Variants in GALNT14 observed in about 807,000 individuals in gnomAD.
The protein encoded by GALNT14 is polypeptide N-acetylgalactosaminyltransferase 14.
In GALNT14, 60 loss-of-function variants were observed where a neutral mutation model predicts 77.5. The observed-to-expected ratio is 0.77, with a 90% CI of 0.63 to 0.96. GALNT14 has a LOEUF of 0.96. GALNT14 is among the 40% of genes least tolerant of loss of function. The pLI, the probability that GALNT14 is intolerant of heterozygous loss-of-function variation, is 0.00. For synonymous variants in GALNT14, 280 were observed against 281.7 expected, an observed-to-expected ratio of 0.99 and a Z score of 0.06; for missense variants, 710 against 731.0, an observed-to-expected ratio of 0.97 and a Z score of 0.33.
At chr2:30,896,091 G>T in the GALNT14 span, among the ~76,000 whole-genome samples, 4 of 152,108 alleles carry the variant, frequency 2.6e-5, no homozygotes, top group African/African-American at 9.7e-5. Context: ...AATACTGCTC[G>T]CAGTAAATAA....
intron 1 of GALNT14, among the ~76,000 whole-genome samples, chr2:31,092,949 A>T (rs1184709940): frequency 6.6e-6 from 1 of 152,212 alleles, no homozygotes; most frequent in African/African-American, 2.4e-5. Flanking sequence ...TAACTACACC[A>T]TGAAAATCCA....
At chr2:31,091,756 C>T (rs1676754415) in intron 1 of GALNT14, among the ~76,000 whole-genome samples, 1 of 152,106 alleles carries the variant, frequency 6.6e-6, no homozygotes, top group Non-Finnish European at 1.5e-5. Context: ...TAAGGGAGCC[C>T]TCTGGGGTCT....
At chr2:30,971,169 C>G (rs1482105798) in intron 2 of GALNT14, among the ~76,000 whole-genome samples, 5 of 152,052 alleles carry the variant, frequency 3.3e-5, no homozygotes, top group African/African-American at 1.2e-4. Context: ...GGAGAGTCGG[C>G]CCAGACAGTA....
intron 2 of GALNT14, among the ~76,000 whole-genome samples, chr2:30,966,782 C>T (rs781511209): frequency 1.3e-5 from 2 of 152,152 alleles, no homozygotes; most frequent in African/African-American, 4.8e-5. Context: ...ACGCCCAGCC[C>T]CTGCAACACA....
intron 1 of GALNT14, among the ~76,000 whole-genome samples, chr2:31,102,089 T>C (rs1677308467): frequency 6.6e-6 from 1 of 152,138 alleles, no homozygotes; most frequent in Non-Finnish European, 1.5e-5. Flanking sequence ...AGTATGTCTT[T>C]ACTAGCAGCA....
intron 1 of GALNT14, among the ~76,000 whole-genome samples, chr2:30,997,201 G>A (rs1054094673): frequency 2.0e-5 from 3 of 152,148 alleles, no homozygotes; most frequent in African/African-American, 7.2e-5. Flanking sequence ...ACTGAGGGTC[G>A]GTAGGCAGAG....
intron 1 of GALNT14, among the ~76,000 whole-genome samples, chr2:31,114,275 G>GA (rs755840695): frequency 2.6e-3 from 359 of 138,590 alleles, no homozygotes; most frequent in Admixed American, 4.4e-3. Context: ...CAACAAGTGG[G>GA]AAAAAAAAAA....
At chr2:30,976,741 T>C (rs910370574) in intron 2 of GALNT14, among the ~76,000 whole-genome samples, 3 of 152,192 alleles carry the variant, frequency 2.0e-5, no homozygotes, top group Non-Finnish European at 2.9e-5. Context: ...CTAAAAAAGA[T>C]ACCTTGGTGT....
intron 1 of GALNT14, among the ~76,000 whole-genome samples, chr2:31,026,121 G>C (rs561899296): frequency 6.6e-6 from 1 of 152,132 alleles, no homozygotes; most frequent in Non-Finnish European, 1.5e-5. Context: ...CAGACATGCC[G>C]AGTCCACCAG....
At chr2:31,037,810 T>C (rs1672833587) in intron 1 of GALNT14, among the ~76,000 whole-genome samples, 1 of 151,886 alleles carries the variant, frequency 6.6e-6, no homozygotes, top group South Asian at 2.1e-4. Context: ...AGGCTCTGTG[T>C]GTGTGTTGGA....
At chr2:31,106,728 T>A (rs1043920011) in intron 1 of GALNT14, among the ~76,000 whole-genome samples, 1 of 152,224 alleles carries the variant, frequency 6.6e-6, no homozygotes, top group African/African-American at 2.4e-5. Context: ...CCTGGGAATG[T>A]TCCTTATTTG....
intron 1 of GALNT14, among the ~76,000 whole-genome samples, chr2:31,044,143 G>C (rs1213150398): frequency 6.6e-6 from 1 of 152,148 alleles, no homozygotes; most frequent in African/African-American, 2.4e-5. Flanking sequence ...CCATTAGTAA[G>C]CCTTTTAAAG....
rs141858272 is a variant in GALNT14 at position 31,124,393 on chromosome 2, T to C, written c.129+13565A>G. On this transcript the variant is annotated intron_variant, in intron 1 of 14. Transcript: ENST00000349752. ...AGAAGAGAATCTTTACAGGGATACATGGGGATAAACGTTTGACAATTGCAT... is the reference window on the plus strand; with the variant it reads ...AGAAGAGAATCTTTACAGGGATACACGGGGATAAACGTTTGACAATTGCAT... Among the ~76,000 whole-genome samples, 224 of 152,292 alleles carry C rather than the reference T, an allele frequency of 1.5e-3. 1 individual carries two copies. The highest frequency in any genetic ancestry group is 5.2e-3 in the African/African-American group (216 of 41,576).
At chr2:30,894,139 A>G in the GALNT14 span, among the ~76,000 whole-genome samples, 2 of 152,064 alleles carry the variant, frequency 1.3e-5, no homozygotes, top group Non-Finnish European at 2.9e-5. Flanking sequence ...GGCCTTTGAT[A>G]AGTTATTGCA....
At chr2:30,969,633 G>C (rs1201902399) in intron 2 of GALNT14, among the ~76,000 whole-genome samples, 1 of 152,202 alleles carries the variant, frequency 6.6e-6, no homozygotes, top group Non-Finnish European at 1.5e-5. Flanking sequence ...TGGGGGTAAA[G>C]TAGGGAGGGA....
chr2:31,067,537 T>A (rs1000879960), intron 1 of GALNT14, among the ~76,000 whole-genome samples: 1 of 152,082 alleles, frequency 6.6e-6, no homozygotes, highest in Non-Finnish European at 1.5e-5. Flanking sequence ...GCTCAGGACA[T>A]TAGGTCTGCT....
At chr2:30,922,615 G>C (rs906546286) in intron 13 of GALNT14, among the ~76,000 whole-genome samples, 2 of 152,158 alleles carry the variant, frequency 1.3e-5, no homozygotes, top group African/African-American at 4.8e-5. Flanking sequence ...ACTCATCTCT[G>C]AGAATACAAC....
At chr2:31,080,909 T>C (rs1676118236) in intron 1 of GALNT14, among the ~76,000 whole-genome samples, 1 of 152,188 alleles carries the variant, frequency 6.6e-6, no homozygotes, top group African/African-American at 2.4e-5. Context: ...AGAATATATG[T>C]GGCCACGTTC....
chr2:31,038,094 T>A (rs1416863800), intron 1 of GALNT14, among the ~76,000 whole-genome samples: 4,597 of 68,498 alleles, frequency 0.067, 277 homozygotes, highest in Non-Finnish European at 0.086. Flanking sequence ...ATTTTTTTTT[T>A]TTTTTTTTTT....
Sources: gnomAD v4.1 joint callset for allele counts (sites outside exome capture counted in the v4.1 genomes callset) on GRCh38, gnomAD v4.1.1 for gene constraint, MANE v1.5 for transcripts, NCBI Gene and HGNC (gene_info 2026-07-23, HGNC 2026-07-21) for gene names.